CRHR2: variants seen among roughly 807,000 people sequenced by gnomAD.
CRHR2 encodes the protein corticotropin-releasing hormone receptor 2.
CRHR2 carries 53 observed loss-of-function variants against 57.9 expected under a neutral mutation model. The observed-to-expected ratio is 0.92, with a 90% CI of 0.73 to 1.15. CRHR2 has a LOEUF of 1.15. CRHR2 is among the 50% of genes most tolerant of loss of function. The pLI is 0.00. For missense variants in CRHR2, 532 were observed against 542.6 expected (o/e 0.98, Z 0.19); for synonymous variants, 213 against 220.9 (o/e 0.96, Z 0.32).
intron 8 of CRHR2, among the ~76,000 whole-genome samples, chr7:30,657,506 T>C (rs745903212): frequency 2.0e-5 from 3 of 152,220 alleles, no homozygotes; most frequent in Non-Finnish European, 4.4e-5. Context: ...CCTTAACATA[T>C]AAGTGAATCC....
chr7:30,677,027 T>A (rs2267716), intron 2 of CRHR2, among the ~76,000 whole-genome samples: 6 of 151,882 alleles, frequency 4.0e-5, no homozygotes, highest in Non-Finnish European at 8.8e-5. Context: ...AGAAGGAAAA[T>A]GGACCATGGC....
At chr7:30,662,605 G>C in intron 6 of CRHR2, 89 bp downstream of exon 6, 1 of 1,519,248 alleles carries the variant, frequency 6.6e-7, no homozygotes, top group East Asian at 2.3e-5. Context: ...GGCAGGGCCA[G>C]GCTCTGGTCC....
chr7:30,674,646 AG>A (rs1402547936), intron 2 of CRHR2, among the ~76,000 whole-genome samples: 3 of 152,164 alleles, frequency 2.0e-5, no homozygotes, highest in Non-Finnish European at 2.9e-5. Flanking sequence ...GCATCCCTCC[AG>A]GGGGGCAAGG....
exon 1 of CRHR2, chr7:30,700,093 T>G: frequency 1.7e-6 from 2 of 1,201,074 alleles, no homozygotes; most frequent in South Asian, 4.4e-5. Flanking sequence ...GGTCACACCC[T>G]GGCCAGCCCC....
chr7:30,679,172 C>G (rs1370762190), intron 2 of CRHR2, among the ~76,000 whole-genome samples: 3 of 152,222 alleles, frequency 2.0e-5, no homozygotes, highest in African/African-American at 7.2e-5. Context: ...AAAATCCAAC[C>G]TGTCCCCAGA....
intron 2 of CRHR2, among the ~76,000 whole-genome samples, chr7:30,673,026 C>T (rs1784413608): frequency 6.6e-6 from 1 of 152,190 alleles, no homozygotes; most frequent in Non-Finnish European, 1.5e-5. Flanking sequence ...AGTTATGCCA[C>T]CTCTTCAGTG....
intron 2 of CRHR2, among the ~76,000 whole-genome samples, chr7:30,680,756 A>G (rs763674590): frequency 2.0e-5 from 3 of 151,984 alleles, no homozygotes; most frequent in Non-Finnish European, 4.4e-5. Flanking sequence ...AGGTGCAGGT[A>G]CATCTCTCTT....
At chr7:30,697,622 A>T (rs993837684) in intron 1 of CRHR2, among the ~76,000 whole-genome samples, 20 of 152,190 alleles carry the variant, frequency 1.3e-4, no homozygotes, top group Admixed American at 9.8e-4. Context: ...CAAAAGCACC[A>T]GCTGGAACCC....
intron 1 of CRHR2, among the ~76,000 whole-genome samples, chr7:30,694,540 A>G (rs918797011): frequency 1.9e-4 from 29 of 152,192 alleles, no homozygotes; most frequent in Admixed American, 9.8e-4. Flanking sequence ...AGCCCATGGT[A>G]TAAGCTGGGG....
At chr7:30,679,467 T>C (rs1784625741) in intron 2 of CRHR2, among the ~76,000 whole-genome samples, 1 of 152,176 alleles carries the variant, frequency 6.6e-6, no homozygotes, top group African/African-American at 2.4e-5. Flanking sequence ...AGTGGGATTA[T>C]GGATGCCTGA....
At chr7:30,683,914 C>G (rs1008656254), upstream of CRHR2, among the ~76,000 whole-genome samples, 1 of 152,098 alleles carries the variant, frequency 6.6e-6, no homozygotes, top group Non-Finnish European at 1.5e-5. Context: ...GGCAAAGCAG[C>G]AGGCAGGCTG....
At chr7:30,683,632 T>TG (rs1258491845), upstream of CRHR2, among the ~76,000 whole-genome samples, 1 of 152,214 alleles carries the variant, frequency 6.6e-6, no homozygotes, top group African/African-American at 2.4e-5. Context: ...GCAGGATGCT[T>TG]GCCCTCTCTT....
At chr7:30,654,686 G>T in intron 11 of CRHR2, 1 of 1,535,952 alleles carries the variant, frequency 6.5e-7, no homozygotes, top group South Asian at 1.2e-5. Flanking sequence ...TGCTCCCTGA[G>T]TCCATACAGA....
chr7:30,692,512 G>A (rs1784982145), intron 1 of CRHR2, among the ~76,000 whole-genome samples: 3 of 152,204 alleles, frequency 2.0e-5, no homozygotes, highest in Non-Finnish European at 2.9e-5. Context: ...CTAAAAGGAT[G>A]GAAGGACTTG....
intron 7 of CRHR2, 135 bp downstream of exon 7, chr7:30,662,018 TAAG>T: frequency 1.2e-6 from 1 of 860,868 alleles, no homozygotes; most frequent in Admixed American, 2.4e-5. Context: ...TTTTTCAATT[TAAG>T]GACAACAGGA....
At chr7:30,670,690 A>G (rs1324497864) in intron 2 of CRHR2, among the ~76,000 whole-genome samples, 1 of 152,272 alleles carries the variant, frequency 6.6e-6, no homozygotes, top group Non-Finnish European at 1.5e-5. Context: ...AGTAAGACAG[A>G]AAGAATCTCA....
At chr7:30,682,578 C>T (rs983327330), upstream of CRHR2, 10 of 1,099,386 alleles carry the variant, frequency 9.1e-6, no homozygotes, top group African/African-American at 1.2e-4. Flanking sequence ...GCTCAGTCTC[C>T]AGCCCCCGGG....
At chr7:30,671,526 A>G (rs1784351522) in intron 2 of CRHR2, among the ~76,000 whole-genome samples, 1 of 150,974 alleles carries the variant, frequency 6.6e-6, no homozygotes, top group African/African-American at 2.4e-5. Context: ...GAGGCTGGAT[A>G]TGGTGGCTCA....
In CRHR2 at chr7:30,665,128, C is replaced by T. The variant is rs776086218; in HGVS notation, c.485G>A (p.Arg162Gln). Residue 162 changes from arginine to glutamine, a missense_variant, in exon 5 of 12, where the codon CGA becomes CAA. Transcript: ENST00000471646. The surrounding 1 kb of genome is among the most constrained non-coding windows in gnomAD (Gnocchi z 4.5). The part of the protein sequence containing the change: ...HWNLITTFIL[R>Q]NVMWFLLQLV... The stretch of plus-strand genomic sequence containing the variant: ...CTGCAGCAGGAACCACATGACATTT[C>T]GCAGGATAAAGGTGGTGATGAGGTT... The T allele has an allele frequency of 9.9e-6, 16 of 1,614,048 alleles. No individual in the cohort carries two copies. The highest frequency in any genetic ancestry group is 2.2e-5 in the East Asian group (1 of 44,854).
Sources: allele counts gnomAD v4.1 joint callset (sites outside exome capture counted in the v4.1 genomes callset), GRCh38; gene constraint gnomAD v4.1.1; non-coding constraint Gnocchi (gnomAD v3.1); transcripts MANE v1.5; gene names NCBI Gene and HGNC (gene_info 2026-07-23, HGNC 2026-07-21).